The following ZNF579 variants were observed in gnomAD, a reference collection of about 807,000 sequenced individuals.
ZNF579 encodes zinc finger protein 579.
Under a neutral mutation model 5.7 loss-of-function variants are expected in ZNF579, and 3 were observed. That is an observed-to-expected ratio of 0.53 (90% CI 0.24 to 1.36). ZNF579 has a LOEUF of 1.36. Among genes scored for constraint, ZNF579 ranks in the 40% most tolerant of loss-of-function variants. The probability of loss-of-function intolerance (pLI) is 0.16; values close to 1 mark genes in which losing one functional copy is unlikely to be tolerated. For missense variants in ZNF579, 679 were observed against 877.6 expected (o/e 0.77, Z 2.86); for synonymous variants, 454 against 409.0 (o/e 1.11, Z -1.33).
chr19:55,578,206 G>GGCCTGCAGT lies in ZNF579; in HGVS notation c.1425_1433dup (p.Leu476_Ala478dup), dbSNP rs1979459811. Reference sequence around the variant, plus strand: ...GCGGTGGCGGCGACGTCGGGGCCTGGGCCTGCAGTGCCTGCAGCGCGGCGG... The same window carrying GGCCTGCAGT: ...GCGGTGGCGGCGACGTCGGGGCCTGGGCCTGCAGTGCCTGCAGTGCCTGCAGCGCGGCGG... On this transcript the variant is annotated inframe_insertion, in exon 2 of 2. Coordinates refer to ENST00000325421, the MANE Select transcript of ZNF579 (RefSeq NM_152600.3). The GGCCTGCAGT allele has an allele frequency of 6.8e-7, 1 of 1,472,410 alleles. No individual in the cohort carries two copies. Among genetic ancestry groups the GGCCTGCAGT allele is most frequent in the Non-Finnish European group, 9.0e-7 (1 of 1,116,404 alleles). The allele number at this position is 1,472,410 out of a possible 1,614,324, so 91.2% of individuals were successfully genotyped here. A position where few individuals can be genotyped will look rare whatever the true frequency, so the allele number is the denominator to read the frequency against.
At position 55,577,571 on chromosome 19, in the gene ZNF579, A is replaced by G; in HGVS notation, c.*380T>C. ...TTATTCACAGACAGACAAAGGGACA[A>G]GGACAGACCTTTGCTCACTGGGGAC... On this transcript the variant is annotated 3_prime_UTR_variant, in exon 2 of 2. Transcript: ENST00000325421. The G allele has an allele frequency of 3.9e-6, 1 of 255,492 alleles. No homozygotes were observed. Among genetic ancestry groups the G allele is most frequent in the Non-Finnish European group, 7.6e-6 (1 of 132,350 alleles). 15.8% of individuals were successfully genotyped at this position (255,492 alleles called of 1,614,324 possible).
chr19:55,578,215 T>TGCCTGCAGC lies in ZNF579; in HGVS notation c.1416_1424dup (p.Leu476_Ala478dup), dbSNP rs1485712199. 1 of 1,463,904 alleles carries TGCCTGCAGC rather than the reference T, an allele frequency of 6.8e-7. No homozygotes were observed. The highest frequency in any genetic ancestry group is 1.4e-5 in the African/African-American group (1 of 70,116). 90.7% of individuals were successfully genotyped at this position (1,463,904 alleles called of 1,614,324 possible). A position where few individuals can be genotyped will look rare whatever the true frequency, so the allele number is the denominator to read the frequency against. The stretch of plus-strand genomic sequence containing the variant: ...GCGACGTCGGGGCCTGGGCCTGCAG[T>TGCCTGCAGC]GCCTGCAGCGCGGCGGCCCTCTCCA... On this transcript the variant is annotated inframe_insertion, in exon 2 of 2. Coordinates refer to ENST00000325421, the MANE Select transcript of ZNF579 (RefSeq NM_152600.3).
chr19:55,579,855 C>G, intron 1 of ZNF579: 1 of 449,502 alleles, frequency 2.2e-6, no homozygotes, highest in Non-Finnish European at 3.7e-6. Flanking sequence ...AGAGACAGAG[C>G]GACAGAGCAG....
Position 55,579,333 on chromosome 19 carries a change from C to T in ZNF579, c.307G>A (p.Ala103Thr), listed in dbSNP as rs112678221. 3 of 1,419,518 alleles carry T rather than the reference C, an allele frequency of 2.1e-6. No individual in the cohort carries two copies. Among genetic ancestry groups the T allele is most frequent in the Admixed American group, 3.0e-5 (1 of 33,058 alleles). 87.9% of individuals were successfully genotyped at this position (1,419,518 alleles called of 1,614,324 possible). ...TCTGGGAAGGTGCGGGGGCAGGCGG[C>T]GCAGCGCAGCGGGGGCTGGGGCCCG... ...GHGPQPPLRCAACPRTFPEPA... is the reference protein window; with the variant it reads ...GHGPQPPLRCTACPRTFPEPA... The change falls in exon 2 of 2, where the codon GCC becomes ACC. Residue 103 changes from alanine to threonine, a missense_variant. Around this residue, in one of 6 missense-constraint regions of ZNF579, gnomAD observed 134 missense variants for 208.9 expected, o/e 0.64. Transcript: ENST00000325421.
In ZNF579 at chr19:55,577,827, C is replaced by A; in HGVS notation, c.*124G>T. ...AAGGGGCAGTCCAGGGCCCCCCACTCCTTAGTGTCAAGGGCGTGAAGGGGA... is the reference window on the plus strand; with the variant it reads ...AAGGGGCAGTCCAGGGCCCCCCACTACTTAGTGTCAAGGGCGTGAAGGGGA... On this transcript the variant is annotated 3_prime_UTR_variant, in exon 2 of 2. Coordinates refer to ENST00000325421, the MANE Select transcript of ZNF579 (RefSeq NM_152600.3). 2 of 1,479,568 alleles carry A rather than the reference C, an allele frequency of 1.4e-6. No homozygotes were observed. Among genetic ancestry groups the A allele is most frequent in the South Asian group, 1.4e-5 (1 of 73,374 alleles). The allele number at this position is 1,479,568 out of a possible 1,614,324, so 91.7% of individuals were successfully genotyped here.
chr19:55,578,976 C>T lies in ZNF579; in HGVS notation c.664G>A (p.Val222Ile). The T allele has an allele frequency of 6.5e-7, 1 of 1,540,488 alleles. No homozygotes were observed. The highest frequency in any genetic ancestry group is 8.7e-7 in the Non-Finnish European group (1 of 1,148,320). Residue 222 changes from valine (V) to isoleucine (I), a missense_variant, in exon 2 of 2, where the codon GTC becomes ATC. Around this residue, in one of 6 missense-constraint regions of ZNF579, gnomAD observed 209 missense variants for 223.4 expected, o/e 0.94. Transcript: ENST00000325421. Reference sequence around the variant, plus strand: ...AGCGTCCAGTCTGCCTGGAGCAGGACCTGTTTCTCCTCCTGCCGCCCGGCC... The same window carrying T: ...AGCGTCCAGTCTGCCTGGAGCAGGATCTGTTTCTCCTCCTGCCGCCCGGCC... Reference protein sequence around the residue: ...LAAGRQEEKQVLLQADWTLLC... With the variant: ...LAAGRQEEKQILLQADWTLLC...
In ZNF579 at chr19:55,578,881, G is replaced by A. The variant is rs1366321570; in HGVS notation, c.759C>T (p.Pro253=). ...CCCCTTCCCCTTCCTGTTCGCCCTC[G>A]GGGCGCAGACACGGGTGCGCCTTGA... The part of the protein sequence containing the change: ...GELKAHPCLR[P]EGEQEGEGGP... Residue 253 remains proline, a synonymous_variant, in exon 2 of 2, where the codon CCC becomes CCT. Coordinates refer to ENST00000325421, the MANE Select transcript of ZNF579 (RefSeq NM_152600.3). 3 of 1,596,100 alleles carry A rather than the reference G, an allele frequency of 1.9e-6. No homozygotes were observed. Among genetic ancestry groups the A allele is most frequent in the South Asian group, 1.1e-5 (1 of 89,042 alleles).
Position 55,577,744 on chromosome 19 carries a change from T to G in ZNF579, c.*207A>C. ...AAGTCGTCCTGCCTTAAGACACATG[T>G]TGGGGTGAGCGGTTCCTAACCAGCA... On this transcript the variant is annotated 3_prime_UTR_variant, in exon 2 of 2. Transcript: ENST00000325421. The G allele has an allele frequency of 1.5e-5, 14 of 904,270 alleles. No individual in the cohort carries two copies. The highest frequency in any genetic ancestry group is 1.9e-5 in the Non-Finnish European group (12 of 621,922). The allele number at this position is 904,270 out of a possible 1,614,324, so 56.0% of individuals were successfully genotyped here. A position where few individuals can be genotyped will look rare whatever the true frequency, so the allele number is the denominator to read the frequency against.
rs1599968846 is a variant in ZNF579, at chr19:55,578,585, C to T, written c.1055G>A (p.Gly352Asp). Reference protein sequence around the residue: ...ARNSAKGPEGGEGAECGGASE... With the variant: ...ARNSAKGPEGDEGAECGGASE... ...GGCACCCCCGCACTCCGCCCCCTCGCCCCCCTCCGGCCCCTTGGCTGAGTT... is the reference window on the plus strand; with the variant it reads ...GGCACCCCCGCACTCCGCCCCCTCGTCCCCCTCCGGCCCCTTGGCTGAGTT... Residue 352 changes from glycine to aspartate, a missense_variant, in exon 2 of 2, where the codon GGC (glycine) becomes GAC (aspartate). Coordinates refer to ENST00000325421, the MANE Select transcript of ZNF579 (RefSeq NM_152600.3). 2.0e-6 allele frequency: 3 copies of T among 1,483,128 alleles called. No homozygotes were observed. Among genetic ancestry groups the T allele is most frequent in the Non-Finnish European group, 2.7e-6 (3 of 1,127,590 alleles). 91.9% of individuals were successfully genotyped at this position (1,483,128 alleles called of 1,614,324 possible).
At chr19:55,580,113 A>C in intron 1 of ZNF579, 1 of 154,842 alleles carries the variant, frequency 6.5e-6, no homozygotes, top group East Asian at 1.9e-4. Context: ...GGCCGGAGAG[A>C]CAGGGAGACA....
rs766812733 is a variant in ZNF579 at position 55,578,877 on chromosome 19, C to T, written c.763G>A (p.Gly255Ser). The T allele has an allele frequency of 5.0e-6, 8 of 1,596,478 alleles. No homozygotes were observed. The Admixed American group carries it at 1.2e-4, about 24-fold the overall frequency. ...LKAHPCLRPE[G>S]EQEGEGGPPP... ...GGCCCCCCTTCCCCTTCCTGTTCGC[C>T]CTCGGGGCGCAGACACGGGTGCGCC... The change falls in exon 2 of 2, where the codon GGC becomes AGC. Residue 255 changes from glycine to serine, a missense_variant. Coordinates refer to ENST00000325421, the MANE Select transcript of ZNF579 (RefSeq NM_152600.3).
In ZNF579 at chr19:55,578,594, G is replaced by A. The variant is rs1470319326; in HGVS notation, c.1046C>T (p.Pro349Leu). The change falls in exon 2 of 2, where the codon CCG becomes CTG. Residue 349 changes from proline to leucine, a missense_variant. Pro to Leu is a moderately conservative substitution (Grantham distance 98). Coordinates refer to ENST00000325421, the MANE Select transcript of ZNF579 (RefSeq NM_152600.3). ...GCACTCCGCCCCCTCGCCCCCCTCC[G>A]GCCCCTTGGCTGAGTTCCGTGCACC... ...ASGARNSAKG[P>L]EGGEGAECGG... 2 of 1,500,444 alleles carry A rather than the reference G, an allele frequency of 1.3e-6. No homozygotes were observed. The highest frequency in any genetic ancestry group is 2.2e-5 in the Admixed American group (1 of 45,562). The allele number at this position is 1,500,444 out of a possible 1,614,324, so 92.9% of individuals were successfully genotyped here. A position where few individuals can be genotyped will look rare whatever the true frequency, so the allele number is the denominator to read the frequency against.
chr19:55,578,893 C>A lies in ZNF579; in HGVS notation c.747G>T (p.Pro249=), dbSNP rs373746702. The A allele has an allele frequency of 2.4e-5, 38 of 1,593,202 alleles. No individual in the cohort carries two copies. Among genetic ancestry groups the A allele is most frequent in the African/African-American group, 2.0e-4 (15 of 74,234 alleles). The change falls in exon 2 of 2, where the codon CCG becomes CCT. Residue 249 remains proline (P), a synonymous_variant. Transcript: ENST00000325421. The stretch of plus-strand genomic sequence containing the variant: ...CCTGTTCGCCCTCGGGGCGCAGACA[C>A]GGGTGCGCCTTGAGCTCGCCCTTGG... ...FATKGELKAH[P]CLRPEGEQEG...
At position 55,578,851 on chromosome 19, in the gene ZNF579, G is replaced by C. The variant is rs1224469638; in HGVS notation, c.789C>G (p.Pro263=). The part of the protein sequence containing the change: ...PEGEQEGEGG[P]PPRPKRHQCS... Reference sequence around the variant, plus strand: ...ACTGGTGTCGCTTGGGGCGTGGCGGGGGCCCCCCTTCCCCTTCCTGTTCGC... The same window carrying C: ...ACTGGTGTCGCTTGGGGCGTGGCGGCGGCCCCCCTTCCCCTTCCTGTTCGC... The change falls in exon 2 of 2, where the codon CCC becomes CCG. Residue 263 remains proline, a synonymous_variant. Transcript: ENST00000325421. 6.3e-7 allele frequency: 1 copy of C among 1,599,838 alleles called. No homozygotes were observed.
In ZNF579 at chr19:55,579,497, G is replaced by T. The variant is rs904596021; in HGVS notation, c.143C>A (p.Thr48Asn). 7.3e-7 allele frequency: 1 copy of T among 1,363,982 alleles called. No homozygotes were observed. The highest frequency in any genetic ancestry group is 9.4e-7 in the Non-Finnish European group (1 of 1,060,448). The allele number at this position is 1,363,982 out of a possible 1,614,324, so 84.5% of individuals were successfully genotyped here. A position where few individuals can be genotyped will look rare whatever the true frequency, so the allele number is the denominator to read the frequency against. ...GGGGAAACGGAAGAGGCGGCCGCAG[G>T]TGGGGCAGGGCAGGGGCGCCCTAGG... Reference protein sequence around the residue: ...GAPRAPLPCPTCGRLFRFPYY... With the variant: ...GAPRAPLPCPNCGRLFRFPYY... Residue 48 changes from threonine to asparagine, a missense_variant, in exon 2 of 2, where the codon ACC (threonine) becomes AAC (asparagine). Physicochemically the swap from Thr to Asn is moderately conservative, Grantham distance 65. Transcript: ENST00000325421.
intron 1 of ZNF579, 37 bp from the exon 2 acceptor site, chr19:55,579,678 G>T: frequency 7.2e-7 from 1 of 1,393,770 alleles, no homozygotes; most frequent in Non-Finnish European, 9.3e-7. Context: ...AAGCGGGGCA[G>T]AGATAAAAAG....
chr19:55,578,663 A>T lies in ZNF579; in HGVS notation c.977T>A (p.Leu326Gln). 1.3e-6 allele frequency: 2 copies of T among 1,536,528 alleles called. No homozygotes were observed. Among genetic ancestry groups the T allele is most frequent in the Non-Finnish European group, 1.7e-6 (2 of 1,151,692 alleles). Reference protein sequence around the residue: ...HRRVHGPLSLLAPLPAAGKKD... With the variant: ...HRRVHGPLSLQAPLPAAGKKD... ...CTTGCCCGCCGCGGGCAGCGGGGCCAGCAGGCTGAGGGGGCCGTGGACGCG... is the reference window on the plus strand; with the variant it reads ...CTTGCCCGCCGCGGGCAGCGGGGCCTGCAGGCTGAGGGGGCCGTGGACGCG... Residue 326 changes from leucine to glutamine, a missense_variant, in exon 2 of 2, where the codon CTG becomes CAG. Coordinates refer to ENST00000325421, the MANE Select transcript of ZNF579 (RefSeq NM_152600.3).
intron 1 of ZNF579, among the ~76,000 whole-genome samples, chr19:55,580,516 A>G (rs1345534247): frequency 1.3e-4 from 1 of 7,422 alleles, no homozygotes; most frequent in Non-Finnish European, 2.7e-4. Flanking sequence ...GGGGCTGGGG[A>G]GGGGGCTGGG....
Position 55,578,180 on chromosome 19 carries a change from G to A in ZNF579, c.1460C>T (p.Pro487Leu), listed in dbSNP as rs550720287. Residue 487 changes from proline to leucine, a missense_variant, in exon 2 of 2, where the codon CCC becomes CTC. This residue lies in a region of ZNF579 where 116 missense variants were observed against 121.9 expected (regional missense o/e 0.95). Transcript: ENST00000325421. ...CTGCTCGGCCTTCAGGGGCGGCGGG[G>A]GCGGTGGCGGCGACGTCGGGGCCTG... ...QAQAPTSPPP[P>L]PPPLKAEQEE... The A allele has an allele frequency of 1.3e-6, 2 of 1,496,226 alleles. No individual in the cohort carries two copies. The highest frequency in any genetic ancestry group is 2.5e-5 in the East Asian group (1 of 40,640). The allele number at this position is 1,496,226 out of a possible 1,614,324, so 92.7% of individuals were successfully genotyped here. A position where few individuals can be genotyped will look rare whatever the true frequency, so the allele number is the denominator to read the frequency against.
Sources: gnomAD v4.1 joint callset for allele counts (sites outside exome capture counted in the v4.1 genomes callset) on GRCh38, gnomAD v4.1.1 for gene constraint, gnomAD v4.1.1 regional missense constraint, MANE v1.5 for transcripts, NCBI Gene and HGNC (gene_info 2026-07-23, HGNC 2026-07-21) for gene names.